ARHGAP21: variants seen among roughly 807,000 people sequenced by gnomAD.
ARHGAP21 encodes rho GTPase-activating protein 21.
ARHGAP21 carries 38 observed loss-of-function variants against 164.6 expected under a neutral mutation model. The observed-to-expected ratio is 0.23, with a 90% CI of 0.18 to 0.30. ARHGAP21 has a LOEUF of 0.30. Ranked by LOEUF, ARHGAP21 falls within the 10% of genes least tolerant of loss-of-function variation. The pLI is 1.00. For missense variants in ARHGAP21, 1,822 were observed against 2,370.7 expected, an observed-to-expected ratio of 0.77 and a Z score of 4.81; for synonymous variants, 766 against 857.9, an observed-to-expected ratio of 0.89 and a Z score of 1.87.
chr10:24,707,583 T>C (rs373082243), intron 2 of ARHGAP21, among the ~76,000 whole-genome samples: 88 of 152,260 alleles, frequency 5.8e-4, no homozygotes, highest in African/African-American at 2.0e-3. Flanking sequence ...TGTCCAAAAC[T>C]GAATTCATCA....
intron 2 of ARHGAP21, among the ~76,000 whole-genome samples, chr10:24,708,356 T>A (rs1844445714): frequency 1.3e-5 from 2 of 152,168 alleles, no homozygotes; most frequent in Non-Finnish European, 2.9e-5. Context: ...CCTAACTGAC[T>A]TGCTAGACCA....
At chr10:24,604,523 G>A (rs2076946498) in intron 11 of ARHGAP21, among the ~76,000 whole-genome samples, 175 bp from the exon 12 acceptor site, 1 of 152,102 alleles carries the variant, frequency 6.6e-6, no homozygotes, top group African/African-American at 2.4e-5. Context: ...TATAAAAAAT[G>A]TTCCACCTAA....
chr10:24,593,065 AC>A (rs1292822507), intron 21 of ARHGAP21, among the ~76,000 whole-genome samples: 2 of 152,130 alleles, frequency 1.3e-5, no homozygotes, highest in South Asian at 2.1e-4. Context: ...ACTTTAATCA[AC>A]CCTAATAACA....
At chr10:24,648,704 C>T (rs1404451439) in intron 4 of ARHGAP21, 1 of 686,970 alleles carries the variant, frequency 1.5e-6, no homozygotes, top group Non-Finnish European at 1.8e-6. Flanking sequence ...TGCTTGAACC[C>T]AGAGGCGCAG....
At chr10:24,645,375 G>A (rs1837457912) in intron 4 of ARHGAP21, among the ~76,000 whole-genome samples, 1 of 152,108 alleles carries the variant, frequency 6.6e-6, no homozygotes, top group Non-Finnish European at 1.5e-5. Context: ...GCAGTCAGGA[G>A]ATTGAGACCA....
chr10:24,656,373 C>A, intron 4 of ARHGAP21, among the ~76,000 whole-genome samples: 1 of 108,286 alleles, frequency 9.2e-6, no homozygotes, highest in African/African-American at 3.9e-5. Flanking sequence ...GCCAGCCGCC[C>A]CGTCCGGGAG....
chr10:24,689,471 G>A (rs1467195434), intron 2 of ARHGAP21, among the ~76,000 whole-genome samples: 2 of 152,126 alleles, frequency 1.3e-5, no homozygotes, highest in African/African-American at 4.8e-5. Context: ...TGGAAGTGGT[G>A]GCTCACACCT....
intron 8 of ARHGAP21, among the ~76,000 whole-genome samples, chr10:24,622,440 ATATATATATATATATATATATAT>A (rs1834658669): frequency 5.8e-4 from 5 of 8,596 alleles, no homozygotes; most frequent in African/African-American, 2.6e-3. Flanking sequence ...AAACATATAT[ATATATATATATATATATATATAT>A]ATATATATAT....
At chr10:24,680,716 C>T (rs1366818424) in intron 2 of ARHGAP21, among the ~76,000 whole-genome samples, 1 of 152,184 alleles carries the variant, frequency 6.6e-6, no homozygotes, top group Non-Finnish European at 1.5e-5. Flanking sequence ...GCCCTCTTCA[C>T]TCCTTCTACT....
intron 25 of ARHGAP21, 91 bp downstream of exon 25, chr10:24,589,174 TTAGACA>T (rs1295939150): frequency 2.0e-6 from 2 of 1,025,116 alleles, no homozygotes; most frequent in Non-Finnish European, 3.0e-6. Context: ...CTCTGTCTCA[TTAGACA>T]TAGAGAGGAA....
intron 4 of ARHGAP21, among the ~76,000 whole-genome samples, chr10:24,656,068 G>A (rs1220278271): frequency 1.5e-3 from 202 of 131,818 alleles, no homozygotes; most frequent in African/African-American, 3.1e-3. Flanking sequence ...CAGCTGCCCC[G>A]TCTAAGAAGT....
At chr10:24,719,727 C>T (rs1253428834) in intron 2 of ARHGAP21, among the ~76,000 whole-genome samples, 1 of 152,042 alleles carries the variant, frequency 6.6e-6, no homozygotes, top group Non-Finnish European at 1.5e-5. Context: ...GTTCAAAAAC[C>T]TAAATATCAG....
chr10:24,634,336 GC>G (rs998158826), intron 5 of ARHGAP21, among the ~76,000 whole-genome samples: 10 of 152,024 alleles, frequency 6.6e-5, no homozygotes, highest in Admixed American at 5.2e-4. Context: ...TGAAAATATA[GC>G]ATTGTATTTA....
rs556801682 is a variant in ARHGAP21, at chr10:24,599,462, G to GA, written c.3132+1183dup. ...CAAGGCAGAGTGTAAACTACCAAAG[G>GA]AAAAAAAGCACACTTTTCCTATGGT... On this transcript the variant is annotated intron_variant, in intron 14 of 25. Coordinates refer to ENST00000396432, the MANE Select transcript of ARHGAP21 (RefSeq NM_020824.4). 1.5e-4 allele frequency among the ~76,000 whole-genome samples: 23 copies of GA among 152,108 alleles called. No individual in the cohort carries two copies. The South Asian group carries it at 4.4e-3, about 29-fold the overall frequency.
chr10:24,603,114 A>G (rs1382998935), intron 12 of ARHGAP21, among the ~76,000 whole-genome samples: 1 of 152,198 alleles, frequency 6.6e-6, no homozygotes, highest in East Asian at 1.9e-4. Context: ...AGACCTCTGC[A>G]TAAGATCACT....
intron 9 of ARHGAP21, among the ~76,000 whole-genome samples, chr10:24,617,744 T>C (rs1006490689): frequency 1.3e-5 from 2 of 152,030 alleles, no homozygotes; most frequent in African/African-American, 4.8e-5. Flanking sequence ...AATGTTTCCG[T>C]AGAAAAGAAA....
intron 1 of ARHGAP21, among the ~76,000 whole-genome samples, chr10:24,722,994 G>C (rs969297646): frequency 6.6e-6 from 1 of 151,932 alleles, no homozygotes. Flanking sequence ...GCCACCTAGG[G>C]GGAAAAAACG....
At chr10:24,686,619 A>G (rs1842236443) in intron 2 of ARHGAP21, among the ~76,000 whole-genome samples, 2 of 152,130 alleles carry the variant, frequency 1.3e-5, no homozygotes, top group African/African-American at 4.8e-5. Context: ...ACTCCCCAAT[A>G]TGATCAAAAT....
At chr10:24,640,849 A>C (rs1836934295) in intron 4 of ARHGAP21, among the ~76,000 whole-genome samples, 1 of 152,216 alleles carries the variant, frequency 6.6e-6, no homozygotes. Flanking sequence ...TTAAGGAAAA[A>C]AACAAAAATA....
Sources: gnomAD v4.1 joint callset for allele counts (sites outside exome capture counted in the v4.1 genomes callset) on GRCh38, gnomAD v4.1.1 for gene constraint, MANE v1.5 for transcripts, NCBI Gene and HGNC (gene_info 2026-07-23, HGNC 2026-07-21) for gene names.